Variants in CHL1 observed in about 807,000 individuals in gnomAD.
CHL1 encodes the protein cell adhesion molecule L1 like.
CHL1 carries 96 observed loss-of-function variants against 141.9 expected under a neutral mutation model. The ratio of observed to expected loss-of-function variants is 0.68; its 90% CI spans 0.57 to 0.80. CHL1 has a LOEUF of 0.80. Ranked by LOEUF, CHL1 falls within the 30% of genes least tolerant of loss-of-function variation. The pLI, the probability that CHL1 is intolerant of heterozygous loss-of-function variation, is 0.00. For synonymous variants in CHL1, 613 were observed against 502.2 expected (o/e 1.22, Z -2.95); for missense variants, 1,820 against 1,457.2 (o/e 1.25, Z -4.05).
At chr3:217,197 T>C (rs1700393582) in intron 1 of CHL1, among the ~76,000 whole-genome samples, 1 of 152,078 alleles carries the variant, frequency 6.6e-6, no homozygotes, top group Non-Finnish European at 1.5e-5. Context: ...AAATTACCCA[T>C]GGGGTTGCAG....
chr3:344,577 T>C lies in CHL1; in HGVS notation c.728-12T>C. 6.3e-7 allele frequency: 1 copy of C among 1,598,586 alleles called. No individual in the cohort carries two copies. Among genetic ancestry groups the C allele is most frequent in the African/African-American group, 1.4e-5 (1 of 73,988 alleles). ...TTTGAAAAAATTCTGACTTTTCTTTTCTATTTTGTAGCAAATTCCATCAAG... is the reference window on the plus strand; with the variant it reads ...TTTGAAAAAATTCTGACTTTTCTTTCCTATTTTGTAGCAAATTCCATCAAG... On this transcript the variant is annotated splice_polypyrimidine_tract_variant and intron_variant, in intron 8 of 27. Transcript: ENST00000256509.
At chr3:337,797 G>C (rs576229167) in intron 5 of CHL1, among the ~76,000 whole-genome samples, 1 of 152,238 alleles carries the variant, frequency 6.6e-6, no homozygotes, top group East Asian at 1.9e-4. Context: ...GTTGGTTGCA[G>C]GTCTTTACTA....
chr3:242,599 A>T (rs1169356527), intron 1 of CHL1, among the ~76,000 whole-genome samples: 1 of 106,674 alleles, frequency 9.4e-6, no homozygotes, highest in Non-Finnish European at 2.2e-5. Flanking sequence ...CCATCTCAAA[A>T]TAAATAAATA....
chr3:314,753 G>C (rs1250492990), intron 2 of CHL1, among the ~76,000 whole-genome samples: 3 of 152,050 alleles, frequency 2.0e-5, no homozygotes, highest in Non-Finnish European at 4.4e-5. Context: ...CAGAGACAGA[G>C]AGAAAGAGGA....
chr3:398,908 A>C (rs1708892437), intron 25 of CHL1, 109 bp from the exon 26 acceptor site: 1 of 982,310 alleles, frequency 1.0e-6, no homozygotes, highest in Non-Finnish European at 1.6e-6. Context: ...CATTAAAAAA[A>C]CTGATACTAT....
intron 2 of CHL1, among the ~76,000 whole-genome samples, chr3:283,618 C>T (rs1696854737): frequency 6.6e-6 from 1 of 152,168 alleles, no homozygotes; most frequent in Non-Finnish European, 1.5e-5. Flanking sequence ...AAATTAAATT[C>T]ATATGAGGAA....
In CHL1 at chr3:407,044, G is replaced by A. The variant is rs1709572883; in HGVS notation, c.*1333G>A. On this transcript the variant is annotated 3_prime_UTR_variant, in exon 28 of 28. Transcript: ENST00000256509. ...TCTGTCAAAGTCAGAACAAATTCAG[G>A]GAATTTATTTTCTGGCAGTTGTGCT... 1 of 151,996 alleles carries A rather than the reference G, an allele frequency of 6.6e-6. No homozygotes were observed. The highest frequency in any genetic ancestry group is 1.5e-5 in the Non-Finnish European group (1 of 67,998). 9.4% of individuals were successfully genotyped at this position (151,996 alleles called of 1,614,324 possible).
chr3:245,849 A>T lies in CHL1; in HGVS notation c.-95+1157A>T, dbSNP rs1184287328. ...TGAAGAAACTCTCTGTGCTTTGAAA[A>T]ACATTTGATCTCTTCTCTCATCCAC... On this transcript the variant is annotated intron_variant, in intron 2 of 27. Coordinates refer to ENST00000256509, the MANE Select transcript of CHL1 (RefSeq NM_006614.4). Among the ~76,000 whole-genome samples the T allele has an allele frequency of 2.6e-5, 4 of 152,170 alleles. No individual in the cohort carries two copies. In the East Asian group the frequency reaches 7.7e-4, roughly 29 times the overall value.
intron 1 of CHL1, among the ~76,000 whole-genome samples, chr3:220,495 C>T (rs1359751120): frequency 6.6e-6 from 1 of 151,996 alleles, no homozygotes; most frequent in African/African-American, 2.4e-5. Flanking sequence ...TACACTAACA[C>T]TAACGATAGC....
intron 11 of CHL1, among the ~76,000 whole-genome samples, chr3:359,975 A>G (rs1214618659): frequency 6.6e-6 from 1 of 152,182 alleles, no homozygotes; most frequent in East Asian, 1.9e-4. Flanking sequence ...ACTTCATCAT[A>G]GGTCTTGAAT....
Position 405,753 on chromosome 3 carries a change from T to C in CHL1, c.*42T>C. 1 of 1,432,078 alleles carries C rather than the reference T, an allele frequency of 7.0e-7. No individual in the cohort carries two copies. Among genetic ancestry groups the C allele is most frequent in the South Asian group, 1.2e-5 (1 of 86,704 alleles). The allele number at this position is 1,432,078 out of a possible 1,614,324, so 88.7% of individuals were successfully genotyped here. On this transcript the variant is annotated 3_prime_UTR_variant, in exon 28 of 28. Transcript: ENST00000256509. ...CAACGCTACTGGTTCACCCCAACCTTCCATATTTATCTGTTCAAAGGAGCA... is the reference window on the plus strand; with the variant it reads ...CAACGCTACTGGTTCACCCCAACCTCCCATATTTATCTGTTCAAAGGAGCA...
At chr3:357,722 C>A (rs774804768) in intron 11 of CHL1, among the ~76,000 whole-genome samples, 4 of 152,230 alleles carry the variant, frequency 2.6e-5, no homozygotes, top group Non-Finnish European at 5.9e-5. Context: ...CAATACACAA[C>A]AATTTCCATA....
At chr3:224,312 A>C (rs771640789) in intron 1 of CHL1, among the ~76,000 whole-genome samples, 2 of 152,170 alleles carry the variant, frequency 1.3e-5, no homozygotes, top group Non-Finnish European at 2.9e-5. Flanking sequence ...GTTGAGAAGC[A>C]AGATGGAGTC....
intron 2 of CHL1, chr3:246,972 G>C (rs141248350): frequency 5.3e-5 from 8 of 152,104 alleles, no homozygotes; most frequent in African/African-American, 1.7e-4. Context: ...GAGACTGCTT[G>C]ATGGTACTTA....
chr3:255,909 G>A (rs1460886251), intron 2 of CHL1, among the ~76,000 whole-genome samples: 2 of 152,058 alleles, frequency 1.3e-5, no homozygotes, highest in Non-Finnish European at 2.9e-5. Context: ...GTGAACCATC[G>A]GTTTTTTACA....
At chr3:210,381 A>G (rs1699807484) in intron 1 of CHL1, among the ~76,000 whole-genome samples, 1 of 152,162 alleles carries the variant, frequency 6.6e-6, no homozygotes, top group Non-Finnish European at 1.5e-5. Flanking sequence ...GTGACAACTG[A>G]GGTAATATGG....
At chr3:267,865 C>G (rs1444104404) in intron 2 of CHL1, among the ~76,000 whole-genome samples, 4 of 152,138 alleles carry the variant, frequency 2.6e-5, no homozygotes, top group African/African-American at 7.2e-5. Context: ...GAAGCATTTT[C>G]TTGAAGGAGA....
chr3:329,697 A>T (rs1701292067), intron 5 of CHL1, among the ~76,000 whole-genome samples: 1 of 151,996 alleles, frequency 6.6e-6, no homozygotes, highest in South Asian at 2.1e-4. Context: ...AAAGCTATAA[A>T]CTTTTTACAA....
intron 1 of CHL1, among the ~76,000 whole-genome samples, chr3:242,416 G>A (rs1574833939): frequency 7.2e-6 from 1 of 138,832 alleles, no homozygotes; most frequent in Non-Finnish European, 1.6e-5. Context: ...CTAACACGGT[G>A]AAACCCCGTC....
Sources: allele counts gnomAD v4.1 joint callset (sites outside exome capture counted in the v4.1 genomes callset), GRCh38; gene constraint gnomAD v4.1.1; transcripts MANE v1.5; gene names NCBI Gene and HGNC (gene_info 2026-07-23, HGNC 2026-07-21).